Variants in PRKD3 observed in about 807,000 individuals in gnomAD.
PRKD3 encodes protein kinase D3, also known as serine/threonine-protein kinase D3.
PRKD3 carries 47 observed loss-of-function variants against 99.2 expected under a neutral mutation model. That is an observed-to-expected ratio of 0.47 (90% CI 0.38 to 0.60). PRKD3 has a LOEUF of 0.60. PRKD3 is among the 20% of genes least tolerant of loss of function. The probability of loss-of-function intolerance (pLI) is 0.00; values close to 1 mark genes in which losing one functional copy is unlikely to be tolerated. For synonymous variants in PRKD3, 392 were observed against 355.4 expected (o/e 1.10, Z -1.16); for missense variants, 1,019 against 1,088.4 (o/e 0.94, Z 0.90).
intron 2 of PRKD3, among the ~76,000 whole-genome samples, chr2:37,314,855 A>C (rs73928004): frequency 5.3e-5 from 8 of 152,154 alleles, no homozygotes; most frequent in African/African-American, 1.9e-4. Context: ...GGAAACTAAA[A>C]GCAAAGCTAC....
intron 6 of PRKD3, among the ~76,000 whole-genome samples, chr2:37,283,848 G>T (rs1669967875): frequency 6.7e-6 from 1 of 149,056 alleles, no homozygotes; most frequent in African/African-American, 2.5e-5. Context: ...AATAAGCTGG[G>T]TGTGGCAGCA....
At chr2:37,313,463 T>G (rs915181703) in intron 2 of PRKD3, among the ~76,000 whole-genome samples, 2 of 152,060 alleles carry the variant, frequency 1.3e-5, no homozygotes, top group South Asian at 2.1e-4. Flanking sequence ...AAACAGCCAA[T>G]CTATTTAAAC....
chr2:37,299,984 A>G (rs1670851063), intron 2 of PRKD3, among the ~76,000 whole-genome samples: 1 of 152,212 alleles, frequency 6.6e-6, no homozygotes, highest in Non-Finnish European at 1.5e-5. Flanking sequence ...GAGGTTGCCA[A>G]AAATAAAACC....
chr2:37,317,589 T>C (rs1239633846), intron 1 of PRKD3, among the ~76,000 whole-genome samples: 1 of 152,144 alleles, frequency 6.6e-6, no homozygotes, highest in Non-Finnish European at 1.5e-5. Flanking sequence ...AGATGTACAA[T>C]ACTTTCCTAA....
At position 37,291,077 on chromosome 2, in the gene PRKD3, T is replaced by C. The variant is rs141652105; in HGVS notation, c.428-78A>G. ...TTAAGAATGCTCACACATTCACTTATGTCAAAGTACACAGAATCATTTTTT... is the reference window on the plus strand; with the variant it reads ...TTAAGAATGCTCACACATTCACTTACGTCAAAGTACACAGAATCATTTTTT... On this transcript the variant is annotated intron_variant, in intron 3 of 18. Coordinates refer to ENST00000234179, the MANE Select transcript of PRKD3 (RefSeq NM_005813.6). 86 of 1,295,386 alleles carry C rather than the reference T, an allele frequency of 6.6e-5. No individual in the cohort carries two copies. In the African/African-American group the frequency reaches 1.1e-3, roughly 16 times the overall value. The allele number at this position is 1,295,386 out of a possible 1,614,324, so 80.2% of individuals were successfully genotyped here. A position where few individuals can be genotyped will look rare whatever the true frequency, so the allele number is the denominator to read the frequency against.
intron 7 of PRKD3, among the ~76,000 whole-genome samples, chr2:37,281,019 T>C (rs75748677): frequency 0.012 from 1,874 of 152,294 alleles, 40 homozygotes; most frequent in African/African-American, 0.042. Flanking sequence ...TCAATATTAT[T>C]AGCCACCAGG....
intron 1 of PRKD3, among the ~76,000 whole-genome samples, chr2:37,319,577 A>G (rs1211174347): frequency 6.6e-6 from 1 of 152,224 alleles, no homozygotes; most frequent in African/African-American, 2.4e-5. Context: ...AGAGGTATTT[A>G]TCAACGAAAA....
intron 10 of PRKD3, 33 bp downstream of exon 10, chr2:37,275,734 A>C (rs1669536557): frequency 1.3e-6 from 2 of 1,567,504 alleles, no homozygotes; most frequent in Non-Finnish European, 8.6e-7. Flanking sequence ...CACTATCTTA[A>C]TGCTTATATT....
At chr2:37,278,283 T>G (rs1378162798) in intron 8 of PRKD3, 1 of 196,824 alleles carries the variant, frequency 5.1e-6, no homozygotes, top group Admixed American at 5.9e-5. Flanking sequence ...ACTGGAATAT[T>G]TGGAGCCCAG....
At position 37,309,719 on chromosome 2, in the gene PRKD3, G is replaced by A. The variant is rs575032763; in HGVS notation, c.288+6518C>T. Among the ~76,000 whole-genome samples the A allele has an allele frequency of 2.0e-4, 30 of 151,998 alleles. No individual in the cohort carries two copies. The South Asian group carries it at 5.2e-3, about 26-fold the overall frequency. On this transcript the variant is annotated intron_variant, in intron 2 of 18. Coordinates refer to ENST00000234179, the MANE Select transcript of PRKD3 (RefSeq NM_005813.6). ...AAATATTAGCTGGGTGTGGTGGTGC[G>A]TGCCTATAATCCCAGCTACTCGGGA...
chr2:37,293,460 T>C (rs894252312), intron 2 of PRKD3, among the ~76,000 whole-genome samples, 189 bp from the exon 3 acceptor site: 10 of 152,270 alleles, frequency 6.6e-5, no homozygotes, highest in Middle Eastern at 3.4e-3. Context: ...TCAAGAAAAA[T>C]AGAAAAGTAA....
In PRKD3 at chr2:37,251,524, A is replaced by G. The variant is rs1667491894; in HGVS notation, c.*1653T>C. ...ACAGGAGTACTGCATACTGTTTGCT[A>G]CTATTCTTTCAAGGATATTTTTAGT... On this transcript the variant is annotated 3_prime_UTR_variant, in exon 19 of 19. Coordinates refer to ENST00000234179, the MANE Select transcript of PRKD3 (RefSeq NM_005813.6). 1 of 152,600 alleles carries G rather than the reference A, an allele frequency of 6.6e-6. No homozygotes were observed. Among genetic ancestry groups the G allele is most frequent in the Non-Finnish European group, 1.5e-5 (1 of 68,034 alleles). The allele number at this position is 152,600 out of a possible 1,614,324, so 9.5% of individuals were successfully genotyped here.
At chr2:37,283,253 C>A (rs1319078827) in intron 6 of PRKD3, among the ~76,000 whole-genome samples, 6 of 152,198 alleles carry the variant, frequency 3.9e-5, no homozygotes, top group Non-Finnish European at 7.3e-5. Flanking sequence ...AATGCAAATT[C>A]TTGCGCCCTA....
intron 2 of PRKD3, among the ~76,000 whole-genome samples, chr2:37,301,339 G>A (rs1558569971): frequency 1.3e-5 from 2 of 151,652 alleles, no homozygotes; most frequent in African/African-American, 4.9e-5. Flanking sequence ...CAGACTCCAG[G>A]AGAACAAAGA....
intron 15 of PRKD3, 91 bp downstream of exon 15, chr2:37,260,132 C>A: frequency 8.1e-7 from 1 of 1,228,142 alleles, no homozygotes; most frequent in South Asian, 1.5e-5. Flanking sequence ...CCACTGCACT[C>A]CAGCCCAGGT....
In PRKD3 at chr2:37,274,431, C is replaced by T. The variant is rs754582760; in HGVS notation, c.1641G>A (p.Gly547=). The T allele has an allele frequency of 6.2e-7, 1 of 1,614,056 alleles. No homozygotes were observed. Among genetic ancestry groups the T allele is most frequent in the East Asian group, 2.2e-5 (1 of 44,874 alleles). Residue 547 remains glycine, a synonymous_variant, in exon 11 of 19, where the codon GGG becomes GGA. Transcript: ENST00000234179. ...AAGTTTATTGCTTACTGTGATCTTTCCCTTGCCCTGGAGAAGTGCAAACAC... is the reference window on the plus strand; with the variant it reads ...AAGTTTATTGCTTACTGTGATCTTTTCCTTGCCCTGGAGAAGTGCAAACAC... ...QASVCTSPGQ[G]KDHKDLSTSI...
rs959291378 is a variant in PRKD3 at position 37,257,285 on chromosome 2, A to T, written c.2146-356T>A. On this transcript the variant is annotated intron_variant, in intron 16 of 18. Transcript: ENST00000234179. ...TAAGATCACTCTTCCATCATCTGTG[A>T]GCAGGAATTGTTTCATTTCTGAATC... is the stretch of plus-strand genomic sequence containing the variant. 4.6e-5 allele frequency among the ~76,000 whole-genome samples: 7 copies of T among 152,144 alleles called. No individual in the cohort carries two copies. In the East Asian group the frequency reaches 9.6e-4, roughly 21 times the overall value.
chr2:37,255,050 T>C (rs548587647), intron 17 of PRKD3, among the ~76,000 whole-genome samples: 2 of 152,334 alleles, frequency 1.3e-5, no homozygotes, highest in South Asian at 4.1e-4. Flanking sequence ...ATGGAAAGAC[T>C]TGTACCATCC....
chr2:37,267,723 T>C, intron 13 of PRKD3, 187 bp from the exon 14 acceptor site: 2 of 521,738 alleles, frequency 3.8e-6, no homozygotes, highest in Non-Finnish European at 6.7e-6. Context: ...ATACATAATA[T>C]TTGCCCCTAA....
Sources: gnomAD v4.1 joint callset for allele counts (sites outside exome capture counted in the v4.1 genomes callset) on GRCh38, gnomAD v4.1.1 for gene constraint, MANE v1.5 for transcripts, NCBI Gene and HGNC (gene_info 2026-07-23, HGNC 2026-07-21) for gene names.